Variants in DPF3 observed in about 807,000 individuals in gnomAD.
DPF3 encodes double PHD fingers 3, also known as zinc finger protein DPF3.
Under a neutral mutation model 56.8 loss-of-function variants are expected in DPF3, and 18 were observed. The ratio of observed to expected loss-of-function variants is 0.32; its 90% CI spans 0.22 to 0.47. The LOEUF (loss-of-function observed/expected upper bound fraction) is 0.47, where lower values mean the gene tolerates loss of function less well. Among genes scored for constraint, DPF3 ranks in the 20% least tolerant of loss-of-function variants. The pLI, the probability that DPF3 is intolerant of heterozygous loss-of-function variation, is 1.00. For synonymous variants in DPF3, 188 were observed against 180.2 expected, an observed-to-expected ratio of 1.04 and a Z score of -0.35; for missense variants, 403 against 488.8, an observed-to-expected ratio of 0.82 and a Z score of 1.65.
chr14:72,757,321 C>G (rs1232684892), intron 2 of DPF3, among the ~76,000 whole-genome samples: 1 of 152,192 alleles, frequency 6.6e-6, no homozygotes, highest in Non-Finnish European at 1.5e-5. Flanking sequence ...TATTATGTCA[C>G]AGGACACAGT....
At chr14:72,671,408 A>G (rs1886669262) in intron 8 of DPF3, 2 of 1,576,948 alleles carry the variant, frequency 1.3e-6, no homozygotes, top group Non-Finnish European at 1.7e-6. Flanking sequence ...TTCTCATTAC[A>G]TTATTACAAT....
At chr14:72,631,898 A>T (rs1232806254) in intron 8 of DPF3, among the ~76,000 whole-genome samples, 1 of 152,232 alleles carries the variant, frequency 6.6e-6, no homozygotes, top group Non-Finnish European at 1.5e-5. Context: ...CCTGAGAAAG[A>T]TCTTTAAGCT....
intron 4 of DPF3, 122 bp from the exon 5 acceptor site, chr14:72,723,850 T>G (rs1889284716): frequency 1.0e-6 from 1 of 986,892 alleles, no homozygotes; most frequent in Admixed American, 2.8e-5. Context: ...AGACGCTGCC[T>G]TTGCTTGGGC....
rs553152074 is a variant in DPF3, at chr14:72,709,295, AC to A, written c.604+5127del. On this transcript the variant is annotated intron_variant, in intron 6 of 10. Coordinates refer to ENST00000556509, the MANE Select transcript of DPF3 (RefSeq NM_001280542.3). The stretch of plus-strand genomic sequence containing the variant: ...GCCCGCTCCTGGTGTGTGACACCTG[AC>A]GTGACTCAGGAGTGAGTCATGCTTC... Among the ~76,000 whole-genome samples the A allele has an allele frequency of 1.6e-4, 25 of 152,318 alleles. No homozygotes were observed. In the South Asian group the frequency reaches 5.2e-3, roughly 32 times the overall value.
intron 7 of DPF3, 71 bp downstream of exon 7, chr14:72,693,005 G>A (rs1414119004): frequency 1.3e-6 from 2 of 1,590,108 alleles, no homozygotes; most frequent in Non-Finnish European, 1.7e-6. Context: ...GTGAGAAAAA[G>A]GAACAAGGAA....
chr14:72,893,734 G>A (rs1886870936), intron 1 of DPF3, among the ~76,000 whole-genome samples: 1 of 124,390 alleles, frequency 8.0e-6, no homozygotes, highest in Non-Finnish European at 1.8e-5. Context: ...GGACCGCGCC[G>A]TCCCCGAGCT....
intron 4 of DPF3, 92 bp downstream of exon 4, chr14:72,731,715 G>A: frequency 6.5e-7 from 1 of 1,547,922 alleles, no homozygotes; most frequent in South Asian, 1.2e-5. Flanking sequence ...CGGCCCTTGA[G>A]GGGAGGATCT....
At chr14:72,731,693 G>A (rs779434275) in intron 4 of DPF3, 114 bp downstream of exon 4, 1 of 1,433,264 alleles carries the variant, frequency 7.0e-7, no homozygotes, top group Admixed American at 2.1e-5. Flanking sequence ...AAGGCAGTCT[G>A]AGACTGAGCC....
chr14:72,892,554 C>G, intron 1 of DPF3: 1 of 1,371,448 alleles, frequency 7.3e-7, no homozygotes, highest in Non-Finnish European at 9.4e-7. Context: ...ACGTCCGATT[C>G]TCCCTGTGCA....
chr14:72,670,839 T>C, intron 8 of DPF3: 2 of 1,139,336 alleles, frequency 1.8e-6, no homozygotes, highest in Non-Finnish European at 2.2e-6. Flanking sequence ...AAAGAGACAA[T>C]CCGTCTAACT....
At chr14:72,646,890 C>T (rs1196051931) in intron 8 of DPF3, among the ~76,000 whole-genome samples, 1 of 152,206 alleles carries the variant, frequency 6.6e-6, no homozygotes, top group African/African-American at 2.4e-5. Context: ...TTCTAATTCC[C>T]CTGCCCTGGA....
At chr14:72,775,870 C>T (rs1304712251) in intron 1 of DPF3, among the ~76,000 whole-genome samples, 3 of 152,020 alleles carry the variant, frequency 2.0e-5, no homozygotes, top group South Asian at 2.1e-4. Context: ...TAGCCAAAAT[C>T]GTCACAGGGC....
At chr14:72,684,687 G>A (rs887146500) in intron 7 of DPF3, among the ~76,000 whole-genome samples, 2 of 152,158 alleles carry the variant, frequency 1.3e-5, no homozygotes, top group Middle Eastern at 3.4e-3. Flanking sequence ...GTAATGCAGG[G>A]GTGGGGTCTC....
intron 3 of DPF3, among the ~76,000 whole-genome samples, chr14:72,740,334 G>A (rs56244318): frequency 0.036 from 5,299 of 146,032 alleles, 222 homozygotes; most frequent in African/African-American, 0.12. Context: ...ATCACTCTGA[G>A]AATAAGTGAA....
Position 72,721,926 on chromosome 14 carries a change from GA to G in DPF3, c.525+1706del, listed in dbSNP as rs545216147. Among the ~76,000 whole-genome samples the G allele has an allele frequency of 7.9e-5, 12 of 151,194 alleles. No individual in the cohort carries two copies. The East Asian group carries it at 1.4e-3, about 17-fold the overall frequency. ...TTCTTCAACAAATTAATGGCATGGA[GA>G]AAAAAAAATGTGTGTGGTGGGGTGC... On this transcript the variant is annotated intron_variant, in intron 5 of 10. Transcript: ENST00000556509.
intron 1 of DPF3, among the ~76,000 whole-genome samples, chr14:72,811,276 GGGA>G (rs1883033736): frequency 6.6e-6 from 1 of 152,166 alleles, no homozygotes; most frequent in Non-Finnish European, 1.5e-5. Flanking sequence ...AGCTTTGCAG[GGGA>G]CAAACATTCA....
At chr14:72,720,252 G>A (rs755585329) in intron 5 of DPF3, among the ~76,000 whole-genome samples, 3 of 152,110 alleles carry the variant, frequency 2.0e-5, no homozygotes, top group Non-Finnish European at 4.4e-5. Flanking sequence ...CAGCACTTTG[G>A]GAGACCCGGA....
rs1555516748 is a variant in DPF3, at chr14:72,884,953, T to TATATATAC, written c.32+9103_32+9104insGTATATAT. On this transcript the variant is annotated intron_variant, in intron 1 of 10. Coordinates refer to ENST00000556509, the MANE Select transcript of DPF3 (RefSeq NM_001280542.3). ...CTACTAAAAATACTATATATATATATATATATATATATATATATTAGCCGG... is the reference window on the plus strand; with the variant it reads ...CTACTAAAAATACTATATATATATATATATATACATATATATATATATATATTAGCCGG... Among the ~76,000 whole-genome samples, 29 of 73,780 alleles carry TATATATAC rather than the reference T, an allele frequency of 3.9e-4. 6 individuals carry two copies. The highest frequency in any genetic ancestry group is 0.013 in the Middle Eastern group (2 of 152). The allele number at this position is 73,780 out of a possible 152,430, so 48.4% of individuals were successfully genotyped here.
intron 1 of DPF3, among the ~76,000 whole-genome samples, chr14:72,868,977 C>T (rs1178911821): frequency 6.6e-6 from 1 of 152,114 alleles, no homozygotes; most frequent in African/African-American, 2.4e-5. Flanking sequence ...TGCTTACTGC[C>T]CTTAGGATAA....
Sources: allele counts gnomAD v4.1 joint callset (sites outside exome capture counted in the v4.1 genomes callset), GRCh38; gene constraint gnomAD v4.1.1; transcripts MANE v1.5; gene names NCBI Gene and HGNC (gene_info 2026-07-23, HGNC 2026-07-21).